SHC4: variants seen among roughly 807,000 people sequenced by gnomAD.
The protein encoded by SHC4 is SHC-transforming protein 4.
In SHC4, 41 loss-of-function variants were observed where a neutral mutation model predicts 69.4. The observed-to-expected ratio is 0.59, with a 90% CI of 0.46 to 0.77. The LOEUF (loss-of-function observed/expected upper bound fraction) is 0.77, where lower values mean the gene tolerates loss of function less well. SHC4 is among the 30% of genes least tolerant of loss of function. SHC4 has a pLI of 0.00. For synonymous variants in SHC4, 318 were observed against 299.3 expected (o/e 1.06, Z -0.64); for missense variants, 777 against 783.8 (o/e 0.99, Z 0.10).
chr15:48,869,307 G>C (rs1899621230), intron 5 of SHC4, among the ~76,000 whole-genome samples: 1 of 152,180 alleles, frequency 6.6e-6, no homozygotes, highest in African/African-American at 2.4e-5. Context: ...AAATGAGGGT[G>C]AGCAAAGGCC....
rs1221576292 is a variant in SHC4, at chr15:48,963,785, G to A, written c.-770C>T. Among the ~76,000 whole-genome samples, 1 of 152,124 alleles carries A rather than the reference G, an allele frequency of 6.6e-6. No homozygotes were observed. The highest frequency in any genetic ancestry group is 2.4e-5 in the African/African-American group (1 of 41,426). ...CTTCCCTCCCTCCTGGATTCCTCTCGGAGCTTTTTTCAGAAGCCCATTTGC... is the reference window on the plus strand; with the variant it reads ...CTTCCCTCCCTCCTGGATTCCTCTCAGAGCTTTTTTCAGAAGCCCATTTGC... On this transcript the variant is annotated 5_prime_UTR_variant, in exon 1 of 12. Coordinates refer to ENST00000332408, the MANE Select transcript of SHC4 (RefSeq NM_203349.4).
At chr15:48,851,070 G>C in intron 9 of SHC4, 118 bp downstream of exon 9, 1 of 865,100 alleles carries the variant, frequency 1.2e-6, no homozygotes. Flanking sequence ...AAAGGATTAT[G>C]TGTTTAGTGG....
chr15:48,951,725 C>T (rs1167408550), intron 1 of SHC4, among the ~76,000 whole-genome samples: 1 of 152,214 alleles, frequency 6.6e-6, no homozygotes, highest in Non-Finnish European at 1.5e-5. Flanking sequence ...TTTCTTAAAA[C>T]TCAGGTAAGA....
At chr15:48,862,217 T>G (rs1899460913) in intron 6 of SHC4, among the ~76,000 whole-genome samples, 1 of 151,776 alleles carries the variant, frequency 6.6e-6, no homozygotes, top group Admixed American at 6.6e-5. Context: ...TTTAACTTTC[T>G]TCAGAGACCC....
intron 2 of SHC4, among the ~76,000 whole-genome samples, chr15:48,911,974 C>G (rs1413080013): frequency 6.6e-6 from 1 of 152,188 alleles, no homozygotes; most frequent in Non-Finnish European, 1.5e-5. Context: ...TTCTGTTAAT[C>G]TAATAGGTTT....
chr15:48,937,952 G>A (rs917697928), intron 1 of SHC4, among the ~76,000 whole-genome samples: 2 of 152,180 alleles, frequency 1.3e-5, no homozygotes, highest in Non-Finnish European at 2.9e-5. Flanking sequence ...TTGTTATTGA[G>A]ATCTAAAAGT....
intron 1 of SHC4, among the ~76,000 whole-genome samples, chr15:48,937,226 T>C (rs1433899413): frequency 3.3e-5 from 5 of 152,180 alleles, no homozygotes. Context: ...GGTGATCTCC[T>C]TTTTTATTTT....
chr15:48,892,006 C>T (rs1426139541), intron 2 of SHC4, among the ~76,000 whole-genome samples: 1 of 152,186 alleles, frequency 6.6e-6, no homozygotes, highest in Admixed American at 6.5e-5. Flanking sequence ...AGGCGCCCAC[C>T]AACACGCCCG....
chr15:48,877,299 T>C (rs1345689129), intron 4 of SHC4: 2 of 561,654 alleles, frequency 3.6e-6, no homozygotes, highest in African/African-American at 4.1e-5. Flanking sequence ...TCCCATTGAT[T>C]CTACATTATG....
chr15:48,857,367 A>T (rs1349614857), intron 7 of SHC4, among the ~76,000 whole-genome samples: 1 of 151,878 alleles, frequency 6.6e-6, no homozygotes, highest in Non-Finnish European at 1.5e-5. Context: ...AAGTTTATTG[A>T]TGTTTATTAT....
chr15:48,869,106 T>C (rs998864722), intron 5 of SHC4, among the ~76,000 whole-genome samples: 2 of 152,190 alleles, frequency 1.3e-5, no homozygotes, highest in African/African-American at 2.4e-5. Flanking sequence ...CTGTAAACAT[T>C]TGGGAGAATT....
At chr15:48,827,868 T>C (rs1898718040) in intron 11 of SHC4, among the ~76,000 whole-genome samples, 1 of 152,208 alleles carries the variant, frequency 6.6e-6, no homozygotes, top group Non-Finnish European at 1.5e-5. Context: ...CTGCTCTGCA[T>C]GACAGCGTTT....
chr15:48,848,378 T>C (rs75334675), intron 9 of SHC4, among the ~76,000 whole-genome samples: 6,580 of 152,242 alleles, frequency 0.043, 281 homozygotes, highest in East Asian at 0.22. Context: ...TCTCACCTCC[T>C]CAAGATTCCG....
chr15:48,959,919 C>A (rs1901514542), intron 1 of SHC4, among the ~76,000 whole-genome samples: 1 of 152,152 alleles, frequency 6.6e-6, no homozygotes. Flanking sequence ...TCTGTGTGGC[C>A]TTTGAAAAAC....
At chr15:48,834,350 T>C (rs1898861258) in intron 11 of SHC4, among the ~76,000 whole-genome samples, 1 of 152,224 alleles carries the variant, frequency 6.6e-6, no homozygotes, top group African/African-American at 2.4e-5. Context: ...CTCTCTGTTC[T>C]GAGAAACACC....
intron 2 of SHC4, among the ~76,000 whole-genome samples, chr15:48,902,294 T>C (rs1325904898): frequency 2.6e-5 from 4 of 152,024 alleles, no homozygotes; most frequent in East Asian, 1.9e-4. Flanking sequence ...TGGAATGCTA[T>C]AGTTAATATG....
chr15:48,916,062 C>T (rs532864896), intron 2 of SHC4, among the ~76,000 whole-genome samples: 30 of 152,246 alleles, frequency 2.0e-4, no homozygotes, highest in Admixed American at 9.8e-4. Flanking sequence ...CATGCATTGC[C>T]GTAACTAATC....
intron 2 of SHC4, among the ~76,000 whole-genome samples, chr15:48,891,152 C>G (rs997977239): frequency 1.3e-5 from 2 of 152,124 alleles, no homozygotes; most frequent in Non-Finnish European, 2.9e-5. Context: ...GGAAATACTT[C>G]GCAGTTTTAT....
intron 1 of SHC4, among the ~76,000 whole-genome samples, chr15:48,944,930 A>G (rs1901247861): frequency 6.6e-6 from 1 of 152,234 alleles, no homozygotes; most frequent in African/African-American, 2.4e-5. Context: ...ACAACTTCAA[A>G]TGTCCTAAGC....
Sources: allele counts gnomAD v4.1 joint callset (sites outside exome capture counted in the v4.1 genomes callset), GRCh38; gene constraint gnomAD v4.1.1; transcripts MANE v1.5; gene names NCBI Gene and HGNC (gene_info 2026-07-23, HGNC 2026-07-21).